LPAR1: variants seen among roughly 807,000 people sequenced by gnomAD.
LPAR1 encodes the protein lysophosphatidic acid receptor 1.
In LPAR1, 5 loss-of-function variants were observed where a neutral mutation model predicts 23.8. The ratio of observed to expected loss-of-function variants is 0.21; its 90% CI spans 0.11 to 0.44. The LOEUF (loss-of-function observed/expected upper bound fraction) is 0.44. LPAR1 is among the 20% of genes least tolerant of loss of function. The probability of loss-of-function intolerance (pLI) is 0.99; values close to 1 mark genes in which losing one functional copy is unlikely to be tolerated. For missense variants in LPAR1, 311 were observed against 482.8 expected (o/e 0.64, Z 3.33); for synonymous variants, 160 against 164.7 (o/e 0.97, Z 0.22).
rs757186566 is a variant in LPAR1 at position 110,875,661 on chromosome 9, T to C, written c.855A>G (p.Pro285=). 6.2e-7 allele frequency: 1 copy of C among 1,614,000 alleles called. No homozygotes were observed. The highest frequency in any genetic ancestry group is 1.7e-5 in the Admixed American group (1 of 59,996). The change falls in exon 6 of 6, where the codon CCA becomes CCG. Residue 285 remains proline (P), a synonymous_variant. Transcript: ENST00000683809. ...TCTCATAGGCCAGCACGTCGCACTG[T>C]GGACAGCACACGTCTAGAAGTAACA... ...LVLLLLDVCC[P]QCDVLAYEKF...
intron 5 of LPAR1, among the ~76,000 whole-genome samples, chr9:110,921,579 T>C (rs538416716): frequency 6.6e-6 from 1 of 152,326 alleles, no homozygotes; most frequent in South Asian, 2.1e-4. Context: ...AAAGAGTAAG[T>C]AGTAAACCTA....
chr9:110,998,990 C>T (rs1344941557), intron 2 of LPAR1, among the ~76,000 whole-genome samples: 1 of 152,188 alleles, frequency 6.6e-6, no homozygotes, highest in Non-Finnish European at 1.5e-5. Context: ...CTATGTTATT[C>T]TCTGGATGGC....
At chr9:110,982,451 G>A (rs1337683524) in intron 2 of LPAR1, among the ~76,000 whole-genome samples, 2 of 151,958 alleles carry the variant, frequency 1.3e-5, no homozygotes, top group East Asian at 3.9e-4. Flanking sequence ...ACAGGGAGGG[G>A]AACATCACAC....
At chr9:111,009,112 G>A (rs2097275963) in intron 2 of LPAR1, among the ~76,000 whole-genome samples, 1 of 152,002 alleles carries the variant, frequency 6.6e-6, no homozygotes, top group South Asian at 2.1e-4. Context: ...AGTAAAAGAG[G>A]ACATATTAAA....
chr9:110,949,567 C>G (rs2136536332), intron 4 of LPAR1, among the ~76,000 whole-genome samples: 1 of 152,274 alleles, frequency 6.6e-6, no homozygotes, highest in Middle Eastern at 3.4e-3. Context: ...ATTCTACTTC[C>G]ATTTGTTCTG....
chr9:110,993,462 G>A (rs575482760), intron 2 of LPAR1, among the ~76,000 whole-genome samples: 3 of 152,106 alleles, frequency 2.0e-5, no homozygotes, highest in Admixed American at 6.5e-5. Flanking sequence ...TGGCTCCAAG[G>A]GCAGCCCAAC....
At chr9:111,009,991 T>G in intron 2 of LPAR1, among the ~76,000 whole-genome samples, 1 of 128,480 alleles carries the variant, frequency 7.8e-6, no homozygotes, top group Non-Finnish European at 1.6e-5. Flanking sequence ...CATTTCATAA[T>G]TAGGAAAATA....
chr9:110,934,641 A>C (rs1301025396), intron 5 of LPAR1: 2 of 152,162 alleles, frequency 1.3e-5, no homozygotes, highest in African/African-American at 2.4e-5. Context: ...CTGTCCTTAT[A>C]ATTTTATTTA....
chr9:110,883,601 C>T (rs1214206315), intron 5 of LPAR1, among the ~76,000 whole-genome samples: 7 of 152,200 alleles, frequency 4.6e-5, no homozygotes, highest in African/African-American at 1.7e-4. Flanking sequence ...AAATGTGATG[C>T]CCTTAATTCT....
intron 2 of LPAR1, among the ~76,000 whole-genome samples, chr9:110,997,773 AT>A (rs2097046997): frequency 6.6e-6 from 1 of 152,218 alleles, no homozygotes; most frequent in Non-Finnish European, 1.5e-5. Flanking sequence ...CTAGTAAGTG[AT>A]CTAATATGAT....
chr9:110,879,309 T>C (rs1168213474), intron 5 of LPAR1, among the ~76,000 whole-genome samples: 1 of 150,198 alleles, frequency 6.7e-6, no homozygotes, highest in Non-Finnish European at 1.5e-5. Context: ...TCCCAGCTAC[T>C]TGGGAGGCTG....
chr9:110,892,863 A>AGGCG (rs1564387228), intron 5 of LPAR1, among the ~76,000 whole-genome samples: 2 of 103,368 alleles, frequency 1.9e-5, no homozygotes, highest in African/African-American at 6.7e-5. Context: ...GCAGGCAGGC[A>AGGCG]GGCATGCAGG....
chr9:111,003,833 T>C (rs538601905), intron 2 of LPAR1, among the ~76,000 whole-genome samples: 1 of 152,288 alleles, frequency 6.6e-6, no homozygotes, highest in African/African-American at 2.4e-5. Context: ...GTATCTCAGA[T>C]TTATATGGCT....
intron 4 of LPAR1, among the ~76,000 whole-genome samples, chr9:110,961,545 G>A (rs989580896): frequency 1.7e-4 from 26 of 149,136 alleles, no homozygotes; most frequent in African/African-American, 4.7e-4. Flanking sequence ...GCTTGAAACC[G>A]GGAGGCAGAG....
chr9:110,955,086 C>T (rs2095694076), intron 4 of LPAR1, among the ~76,000 whole-genome samples: 1 of 152,100 alleles, frequency 6.6e-6, no homozygotes, highest in African/African-American at 2.4e-5. Context: ...CCTCACATAT[C>T]AATAACAACC....
intron 5 of LPAR1, among the ~76,000 whole-genome samples, chr9:110,890,212 G>A (rs1232584549): frequency 6.6e-6 from 1 of 151,962 alleles, no homozygotes; most frequent in East Asian, 1.9e-4. Context: ...TTTTTCTAAG[G>A]AAACAAACTA....
chr9:110,961,061 T>C (rs79433713), intron 4 of LPAR1, among the ~76,000 whole-genome samples: 28,513 of 75,246 alleles, frequency 0.38, 3,148 homozygotes, highest in African/African-American at 0.45. Context: ...CTACCTTCCA[T>C]TATTGTCCTT....
chr9:110,934,821 A>AACACAC (rs34585506), intron 5 of LPAR1, among the ~76,000 whole-genome samples: 1 of 149,036 alleles, frequency 6.7e-6, no homozygotes, highest in Admixed American at 6.7e-5. Flanking sequence ...CACACACACA[A>AACACAC]ACACACACAC....
intron 2 of LPAR1, among the ~76,000 whole-genome samples, chr9:110,997,037 A>G (rs1158278381): frequency 6.6e-6 from 1 of 152,218 alleles, no homozygotes; most frequent in African/African-American, 2.4e-5. Context: ...TTTTGAAACA[A>G]AATGAACCAG....
Sources: allele counts gnomAD v4.1 joint callset (sites outside exome capture counted in the v4.1 genomes callset), GRCh38; gene constraint gnomAD v4.1.1; transcripts MANE v1.5; gene names NCBI Gene and HGNC (gene_info 2026-07-23, HGNC 2026-07-21).